TADA3: variants seen among roughly 807,000 people sequenced by gnomAD.
TADA3 encodes the protein transcriptional adapter 3.
TADA3 carries 25 observed loss-of-function variants against 43.2 expected under a neutral mutation model. That is an observed-to-expected ratio of 0.58 (90% CI 0.42 to 0.81). The LOEUF (loss-of-function observed/expected upper bound fraction) is 0.81, where lower values mean the gene tolerates loss of function less well. Among genes scored for constraint, TADA3 ranks in the 30% least tolerant of loss-of-function variants. The probability of loss-of-function intolerance (pLI) is 0.00; values close to 1 mark genes in which losing one functional copy is unlikely to be tolerated. For missense variants in TADA3, 441 were observed against 567.8 expected (o/e 0.78, Z 2.27); for synonymous variants, 235 against 225.5 (o/e 1.04, Z -0.38).
At chr3:9,782,699 G>A (rs1350504471) in intron 8 of TADA3, among the ~76,000 whole-genome samples, 2 of 151,346 alleles carry the variant, frequency 1.3e-5, no homozygotes, top group Non-Finnish European at 2.9e-5. Context: ...GCTGAGGCAG[G>A]AGAACTGCCT....
chr3:9,781,270 C>A (rs2078454854), intron 8 of TADA3, among the ~76,000 whole-genome samples: 1 of 152,060 alleles, frequency 6.6e-6, no homozygotes. Context: ...CAGAGTAAGA[C>A]CCTGTCTCTA....
intron 4 of TADA3, chr3:9,787,750 A>C (rs1305795316): frequency 7.9e-7 from 1 of 1,268,386 alleles, no homozygotes; most frequent in African/African-American, 1.5e-5. Flanking sequence ...GAAATCAGAT[A>C]AGTGAAGTGA....
At chr3:9,787,365 C>G in intron 4 of TADA3, 25 bp from the exon 5 acceptor site, 1 of 1,590,712 alleles carries the variant, frequency 6.3e-7, no homozygotes, top group South Asian at 1.1e-5. Flanking sequence ...GCACCCAACC[C>G]TGAGTGGGTA....
At chr3:9,790,954 TG>T (rs2078715347) in intron 2 of TADA3, among the ~76,000 whole-genome samples, 2 of 152,330 alleles carry the variant, frequency 1.3e-5, no homozygotes, top group Admixed American at 1.3e-4. Flanking sequence ...CTTTCCTAGT[TG>T]CCAAGCTCCC....
At position 9,789,793 on chromosome 3, in the gene TADA3, A is replaced by G; in HGVS notation, c.378T>C (p.Leu126=). 1 of 1,614,222 alleles carries G rather than the reference A, an allele frequency of 6.2e-7. No homozygotes were observed. Among genetic ancestry groups the G allele is most frequent in the Non-Finnish European group, 8.5e-7 (1 of 1,180,042 alleles). Residue 126 remains leucine (L), a synonymous_variant, in exon 3 of 9, where the codon CTT becomes CTC. Transcript: ENST00000301964. ...PGPGRPKSKN[L]QPKIQEYEFT... is the part of the protein sequence containing the mutation. ...ATTCATATTCCTGGATCTTGGGCTG[A>G]AGGTTTTTGGATTTGGGCCGTCCTG...
At position 9,790,622 on chromosome 3, in the gene TADA3, T is replaced by C. The variant is rs80300745; in HGVS notation, c.207+638A>G. On this transcript the variant is annotated intron_variant, in intron 2 of 8. Transcript: ENST00000301964. ...GCACACAAGGCTCAAGGCATCTTTA[T>C]GCAGTGAATAAAGTCATCAGAGTAG... Among the ~76,000 whole-genome samples the C allele has an allele frequency of 9.8e-5, 15 of 152,380 alleles. No individual in the cohort carries two copies. The East Asian group carries it at 2.7e-3, about 27-fold the overall frequency.
At chr3:9,788,869 T>C (rs2078676662) in intron 4 of TADA3, among the ~76,000 whole-genome samples, 1 of 150,864 alleles carries the variant, frequency 6.6e-6, no homozygotes, top group Non-Finnish European at 1.5e-5. Flanking sequence ...GGAGTCTTGC[T>C]CTGTTGCCCA....
Position 9,780,788 on chromosome 3 carries a change from C to T in TADA3, c.1107-239G>A, listed in dbSNP as rs529833653. Among the ~76,000 whole-genome samples the T allele has an allele frequency of 3.2e-4, 48 of 152,280 alleles. 1 individual carries two copies. Among genetic ancestry groups the T allele is most frequent in the Admixed American group, 7.2e-4 (11 of 15,292 alleles). On this transcript the variant is annotated intron_variant, in intron 8 of 8. Transcript: ENST00000301964. ...GTGCACATGTGGGGACAGGGAGATA[C>T]GGGAATTCTCTGTACCTTTCTCTCA... is the stretch of plus-strand genomic sequence containing the variant.
At chr3:9,789,459 T>G in intron 4 of TADA3, 50 bp downstream of exon 4, 2 of 1,551,046 alleles carry the variant, frequency 1.3e-6, no homozygotes, top group Middle Eastern at 1.9e-4. Flanking sequence ...CTCAGGCACC[T>G]CTGAACTCTC....
chr3:9,790,676 T>TA (rs2078707873), intron 2 of TADA3, among the ~76,000 whole-genome samples: 1 of 152,220 alleles, frequency 6.6e-6, no homozygotes, highest in Admixed American at 6.5e-5. Context: ...AGTACTTACT[T>TA]AGTGTCTGGC....
Position 9,789,796 on chromosome 3 carries a change from G to A in TADA3, c.375C>T (p.Asn125=). 1 of 1,614,216 alleles carries A rather than the reference G, an allele frequency of 6.2e-7. No individual in the cohort carries two copies. The highest frequency in any genetic ancestry group is 1.7e-5 in the Admixed American group (1 of 60,030). Residue 125 remains asparagine (N), a synonymous_variant, in exon 3 of 9, where the codon AAC becomes AAT. Coordinates refer to ENST00000301964, the MANE Select transcript of TADA3 (RefSeq NM_006354.5). ...CATATTCCTGGATCTTGGGCTGAAG[G>A]TTTTTGGATTTGGGCCGTCCTGGGC... ...GPGPGRPKSK[N]LQPKIQEYEF...
upstream of TADA3, chr3:9,792,721 G>C (rs1412400380): frequency 8.1e-7 from 1 of 1,234,576 alleles, no homozygotes; most frequent in East Asian, 3.2e-5. Context: ...AGGGGCGAGA[G>C]AAAGGATGGG....
chr3:9,781,398 T>C (rs992684221), intron 8 of TADA3: 7 of 423,426 alleles, frequency 1.7e-5, no homozygotes, highest in Admixed American at 9.7e-5. Flanking sequence ...ATTATTCATA[T>C]GTTACCCGTG....
Position 9,787,331 on chromosome 3 carries a change from G to C in TADA3, c.574C>G (p.Leu192Val). The C allele has an allele frequency of 6.2e-7, 1 of 1,611,682 alleles. No individual in the cohort carries two copies. The highest frequency in any genetic ancestry group is 8.5e-7 in the Non-Finnish European group (1 of 1,178,908). The change falls in exon 5 of 9, where the codon CTG (leucine) becomes GTG (valine). Residue 192 changes from leucine to valine, a missense_variant. Leu to Val is a conservative substitution (Grantham distance 32). Transcript: ENST00000301964. The stretch of plus-strand genomic sequence containing the variant: ...CAGCGCTGGGAGTAGTGCTTCCCCA[G>C]GGGTGGGATCTGTGGAAAAGATGGC... ...DEAEHYKIPP[L>V]GKHYSQRWAQ...
intron 6 of TADA3, 98 bp from the exon 7 acceptor site, chr3:9,785,523 C>A: frequency 1.3e-6 from 1 of 799,856 alleles, no homozygotes; most frequent in East Asian, 2.7e-5. Flanking sequence ...CAGAAATATC[C>A]TTTTATCTTT....
Position 9,780,277 on chromosome 3 carries a change from G to A in TADA3, c.*80C>T. Reference sequence around the variant, plus strand: ...ATTTGAGGGACAGCCACAGGCCAATGTTTCCTGTGCCCAAAGAAGGAAGTG... The same window carrying A: ...ATTTGAGGGACAGCCACAGGCCAATATTTCCTGTGCCCAAAGAAGGAAGTG... On this transcript the variant is annotated 3_prime_UTR_variant, in exon 9 of 9. Transcript: ENST00000301964. 5 of 1,450,726 alleles carry A rather than the reference G, an allele frequency of 3.4e-6. No individual in the cohort carries two copies. Among genetic ancestry groups the A allele is most frequent in the Non-Finnish European group, 4.7e-6 (5 of 1,070,714 alleles). The allele number at this position is 1,450,726 out of a possible 1,614,324, so 89.9% of individuals were successfully genotyped here.
At chr3:9,785,255 A>G in intron 7 of TADA3, 61 bp downstream of exon 7, 1 of 1,369,720 alleles carries the variant, frequency 7.3e-7, no homozygotes. Context: ...CCAGGTTGAG[A>G]TGGAGAGAAG....
chr3:9,789,447 T>C (rs2078687983), intron 4 of TADA3, 62 bp downstream of exon 4: 2 of 1,485,552 alleles, frequency 1.3e-6, no homozygotes, highest in East Asian at 4.6e-5. Flanking sequence ...GTAGCTTTAC[T>C]TCTCAGGCAC....
chr3:9,783,953 A>G, intron 8 of TADA3, 75 bp downstream of exon 8: 1 of 1,491,868 alleles, frequency 6.7e-7, no homozygotes, highest in Non-Finnish European at 9.0e-7. Flanking sequence ...CTGTTGTAAA[A>G]CCCCTGAAAG....
Sources: allele counts gnomAD v4.1 joint callset (sites outside exome capture counted in the v4.1 genomes callset), GRCh38; gene constraint gnomAD v4.1.1; transcripts MANE v1.5; gene names NCBI Gene and HGNC (gene_info 2026-07-23, HGNC 2026-07-21).